P3H2: variants seen among roughly 807,000 people sequenced by gnomAD.
P3H2 encodes the protein prolyl 3-hydroxylase 2, also known as leprecan-like 1.
In P3H2, 80 loss-of-function variants were observed where a neutral mutation model predicts 87.0. The ratio of observed to expected loss-of-function variants is 0.92; its 90% confidence interval spans 0.77 to 1.11. The LOEUF (loss-of-function observed/expected upper bound fraction) is 1.11. Among genes scored for constraint, P3H2 ranks in the 50% least tolerant of loss-of-function variants. The pLI is 0.00. For missense variants in P3H2, 1,001 were observed against 923.9 expected (o/e 1.08, Z -1.08); for synonymous variants, 367 against 359.3 (o/e 1.02, Z -0.24).
intron 10 of P3H2, 70 bp downstream of exon 10, chr3:189,973,839 A>G (rs1054389862): frequency 1.7e-6 from 2 of 1,195,306 alleles, no homozygotes; most frequent in East Asian, 2.3e-5. Context: ...TTTCTTTCTT[A>G]TATCTGCCAT....
intron 1 of P3H2, among the ~76,000 whole-genome samples, chr3:190,012,909 A>C (rs1278687967): frequency 6.6e-6 from 1 of 152,172 alleles, no homozygotes; most frequent in East Asian, 1.9e-4. Flanking sequence ...TCTCTCTTTA[A>C]ACTTGAAAGT....
chr3:190,089,616 C>T (rs776427283), intron 1 of P3H2, among the ~76,000 whole-genome samples: 15 of 152,164 alleles, frequency 9.9e-5, no homozygotes, highest in Admixed American at 2.0e-4. Flanking sequence ...CATTCTCCAC[C>T]TCCCCTCTTT....
intron 1 of P3H2, among the ~76,000 whole-genome samples, chr3:190,113,297 C>G (rs1333551541): frequency 6.6e-6 from 1 of 150,660 alleles, no homozygotes; most frequent in Non-Finnish European, 1.5e-5. Flanking sequence ...TGTTAAGTGA[C>G]AGGGATAGAT....
intron 3 of P3H2, among the ~76,000 whole-genome samples, chr3:189,989,256 G>A (rs1286120076): frequency 1.3e-5 from 2 of 152,116 alleles, no homozygotes; most frequent in Admixed American, 6.5e-5. Context: ...AGTAGATTCC[G>A]AATCCTCCAG....
In P3H2 at chr3:190,110,138, C is replaced by T. The variant is rs150209877; in HGVS notation, c.480+10114G>A. ...TGCTGGGATTATAGACATGAACCACCGCACCTGGCCCAGTCATCTTAAATA... is the reference window on the plus strand; with the variant it reads ...TGCTGGGATTATAGACATGAACCACTGCACCTGGCCCAGTCATCTTAAATA... On this transcript the variant is annotated intron_variant, in intron 1 of 14. Transcript: ENST00000319332. Among the ~76,000 whole-genome samples the T allele has an allele frequency of 6.7e-3, 1,013 of 152,192 alleles. 5 individuals are homozygous for T. Among genetic ancestry groups the T allele is most frequent in the South Asian group, 0.016 (75 of 4,810 alleles).
At chr3:190,015,958 C>G (rs1054260565) in intron 1 of P3H2, among the ~76,000 whole-genome samples, 1 of 152,136 alleles carries the variant, frequency 6.6e-6, no homozygotes, top group Non-Finnish European at 1.5e-5. Context: ...TGTGTATCTG[C>G]GTTGGAGGGT....
chr3:189,957,830 C>G lies in P3H2; in HGVS notation c.*82G>C. On this transcript the variant is annotated 3_prime_UTR_variant, in exon 15 of 15. Transcript: ENST00000319332. ...ACTGACATTAACCTGTTAATTTATA[C>G]CATGGCTCTGTACAAAAATAAAAAG... is the stretch of plus-strand genomic sequence containing the variant. The G allele has an allele frequency of 1.1e-6, 1 of 929,906 alleles. No individual in the cohort carries two copies. The highest frequency in any genetic ancestry group is 1.4e-5 in the South Asian group (1 of 73,712). 57.6% of individuals were successfully genotyped at this position (929,906 alleles called of 1,614,324 possible).
chr3:190,102,359 A>G (rs1447875547), intron 1 of P3H2, among the ~76,000 whole-genome samples: 1 of 152,262 alleles, frequency 6.6e-6, no homozygotes, highest in African/African-American at 2.4e-5. Context: ...TCTAGATGTC[A>G]TTAATAGCAT....
intron 1 of P3H2, among the ~76,000 whole-genome samples, chr3:190,001,768 CAT>C (rs145592575): frequency 0.082 from 12,518 of 152,226 alleles, 702 homozygotes; most frequent in Non-Finnish European, 0.12. Flanking sequence ...TATACATACA[CAT>C]GTCACAAGGC....
In P3H2 at chr3:189,957,882, A is replaced by G; in HGVS notation, c.*30T>C. 7.0e-7 allele frequency: 1 copy of G among 1,429,458 alleles called. No individual in the cohort carries two copies. Among genetic ancestry groups the G allele is most frequent in the Non-Finnish European group, 9.9e-7 (1 of 1,012,142 alleles). 88.5% of individuals were successfully genotyped at this position (1,429,458 alleles called of 1,614,324 possible). On this transcript the variant is annotated 3_prime_UTR_variant, in exon 15 of 15. Coordinates refer to ENST00000319332, the MANE Select transcript of P3H2 (RefSeq NM_018192.4). ...TTCTCATAAGATTAACAATTTAAAT[A>G]AATATTTGATAGAACATTCTTTCTC...
intron 1 of P3H2, among the ~76,000 whole-genome samples, chr3:190,068,486 CA>C (rs752912346): frequency 8.5e-5 from 13 of 152,152 alleles, no homozygotes; most frequent in Non-Finnish European, 1.6e-4. Context: ...TTGTCTCCCA[CA>C]AAAGTTATTG....
chr3:190,079,323 AGCAAGACTCT>A (rs1318224848), intron 1 of P3H2, among the ~76,000 whole-genome samples: 2 of 151,156 alleles, frequency 1.3e-5, no homozygotes, highest in African/African-American at 4.9e-5. Flanking sequence ...TGGGTGACAA[AGCAAGACTCT>A]GTCTCAAAAA....
chr3:190,111,237 T>C (rs1220694129), intron 1 of P3H2, among the ~76,000 whole-genome samples: 1 of 152,244 alleles, frequency 6.6e-6, no homozygotes, highest in Non-Finnish European at 1.5e-5. Flanking sequence ...GTCTCTTTCA[T>C]TTGGCATATA....
intron 1 of P3H2, among the ~76,000 whole-genome samples, chr3:190,041,456 G>C (rs1235331882): frequency 6.6e-6 from 1 of 152,046 alleles, no homozygotes; most frequent in Admixed American, 6.6e-5. Flanking sequence ...AGTCCAATAA[G>C]GGGAAATCCC....
intron 1 of P3H2, among the ~76,000 whole-genome samples, chr3:190,007,590 T>A (rs919455176): frequency 6.6e-6 from 1 of 152,006 alleles, no homozygotes; most frequent in Non-Finnish European, 1.5e-5. Flanking sequence ...AGAGAAGAGT[T>A]TCCTAAATGA....
intron 14 of P3H2, among the ~76,000 whole-genome samples, chr3:189,962,161 CTTTTTT>C (rs770628547): frequency 1.0e-4 from 9 of 87,648 alleles, no homozygotes; most frequent in East Asian, 3.8e-4. Flanking sequence ...TCTTCTTCTT[CTTTTTT>C]TTTTTTTTTT....
At chr3:190,101,935 A>G (rs1711641082) in intron 1 of P3H2, among the ~76,000 whole-genome samples, 1 of 152,204 alleles carries the variant, frequency 6.6e-6, no homozygotes, top group African/African-American at 2.4e-5. Flanking sequence ...TTCATTTACC[A>G]TCCCCCAAAT....
chr3:189,997,666 T>G (rs1278398489), intron 1 of P3H2, among the ~76,000 whole-genome samples: 3 of 152,216 alleles, frequency 2.0e-5, no homozygotes, highest in African/African-American at 7.2e-5. Context: ...TTTTAGCTAC[T>G]GTCTTTCCTT....
intron 1 of P3H2, among the ~76,000 whole-genome samples, chr3:190,035,282 A>C (rs1725385232): frequency 6.6e-6 from 1 of 152,022 alleles, no homozygotes; most frequent in African/African-American, 2.4e-5. Flanking sequence ...CTCCCACATT[A>C]TTTGCTGCAT....
Sources: gnomAD v4.1 joint callset for allele counts (sites outside exome capture counted in the v4.1 genomes callset) on GRCh38, gnomAD v4.1.1 for gene constraint, MANE v1.5 for transcripts, NCBI Gene and HGNC (gene_info 2026-07-23, HGNC 2026-07-21) for gene names.